Variants in CSE1L observed in about 807,000 individuals in gnomAD.
CSE1L encodes the protein exportin-2.
CSE1L carries 24 observed loss-of-function variants against 120.4 expected under a neutral mutation model. That is an observed-to-expected ratio of 0.20 (90% confidence interval 0.14 to 0.28). CSE1L has a LOEUF of 0.28. Among genes scored for constraint, CSE1L ranks in the 10% least tolerant of loss-of-function variants. The pLI, the probability that CSE1L is intolerant of heterozygous loss-of-function variation, is 1.00. For missense variants in CSE1L, 830 were observed against 1,145.2 expected, an observed-to-expected ratio of 0.72 and a Z score of 3.97; for synonymous variants, 402 against 398.3, an observed-to-expected ratio of 1.01 and a Z score of -0.11.
At chr20:49,061,792 C>A (rs531622856) in intron 2 of CSE1L, among the ~76,000 whole-genome samples, 10 of 151,972 alleles carry the variant, frequency 6.6e-5, no homozygotes, top group African/African-American at 1.7e-4. Flanking sequence ...TGTGAGCCAC[C>A]GCACCCGGCA....
chr20:49,063,352 T>A lies in CSE1L; in HGVS notation c.228+8T>A, dbSNP rs1403122178. 1.4e-6 allele frequency: 2 copies of A among 1,448,374 alleles called. No homozygotes were observed. Among genetic ancestry groups the A allele is most frequent in the African/African-American group, 2.9e-5 (2 of 68,890 alleles). 89.7% of individuals were successfully genotyped at this position (1,448,374 alleles called of 1,614,324 possible). ...AAAAGGAACTGGAGAATTGTAAGTA[T>A]TTTGTGAATACATAATTTAATACCC... On this transcript the variant is annotated splice_region_variant and intron_variant, in intron 3 of 24. Coordinates refer to ENST00000262982, the MANE Select transcript of CSE1L (RefSeq NM_001316.4).
intron 1 of CSE1L, among the ~76,000 whole-genome samples, chr20:49,048,327 A>G (rs1218038247): frequency 6.6e-6 from 1 of 152,066 alleles, no homozygotes; most frequent in African/African-American, 2.4e-5. Flanking sequence ...GCAGTGCTCT[A>G]GTTTTGGAAT....
At chr20:49,048,596 GAAGGCTC>G (rs571912459) in intron 1 of CSE1L, among the ~76,000 whole-genome samples, 84 of 152,290 alleles carry the variant, frequency 5.5e-4, no homozygotes, top group African/African-American at 2.0e-3. Context: ...AGAGGGAATA[GAAGGCTC>G]AAGGCTCAAG....
In CSE1L at chr20:49,066,501, T is replaced by C; in HGVS notation, c.467T>C (p.Leu156Ser). ...GGAGTCCTCCGTACAGCACATTCATTATTTAAAAGGTATTGATGCATAGAT... is the reference window on the plus strand; with the variant it reads ...GGAGTCCTCCGTACAGCACATTCATCATTTAAAAGGTATTGATGCATAGAT... ...INGVLRTAHS[L>S]FKRYRHEFKS... is the part of the protein sequence containing the mutation. The change falls in exon 5 of 25, where the codon TTA becomes TCA. Residue 156 changes from leucine to serine, a missense_variant. Around this residue, in one of 4 missense-constraint regions of CSE1L, gnomAD observed 543 missense variants for 640.2 expected, o/e 0.85. Transcript: ENST00000262982. The C allele has an allele frequency of 6.2e-7, 1 of 1,610,632 alleles. No individual in the cohort carries two copies. The highest frequency in any genetic ancestry group is 8.5e-7 in the Non-Finnish European group (1 of 1,178,632).
chr20:49,074,503 C>T (rs1472420113), intron 10 of CSE1L, among the ~76,000 whole-genome samples: 3 of 152,022 alleles, frequency 2.0e-5, no homozygotes, highest in Middle Eastern at 3.4e-3. Flanking sequence ...GATACTGATC[C>T]CTAACATTTT....
intron 6 of CSE1L, among the ~76,000 whole-genome samples, 188 bp from the exon 7 acceptor site, chr20:49,068,527 A>C (rs1215071735): frequency 6.6e-6 from 1 of 152,196 alleles, no homozygotes; most frequent in African/African-American, 2.4e-5. Context: ...TGAACCCAGG[A>C]GGTGGAGCTT....
intron 14 of CSE1L, among the ~76,000 whole-genome samples, chr20:49,079,732 C>A (rs971158373): frequency 2.6e-5 from 4 of 152,076 alleles, no homozygotes; most frequent in Non-Finnish European, 4.4e-5. Context: ...AGCCAGCCTT[C>A]CACATACAGA....
rs541638373 is a variant in CSE1L at position 49,085,327 on chromosome 20, C to G, written c.1664C>G (p.Thr555Arg). Reference sequence around the variant, plus strand: ...GCACCGTTTGTTGAGATTCTGCTAACAAACCTTTTCAAAGCTCTCACACTT... The same window carrying G: ...GCACCGTTTGTTGAGATTCTGCTAAGAAACCTTTTCAAAGCTCTCACACTT... ...EIAPFVEILL[T>R]NLFKALTLPG... The change falls in exon 16 of 25, where the codon ACA (threonine) becomes AGA (arginine). Residue 555 changes from threonine to arginine, a missense_variant. Physicochemically the swap from Thr to Arg is moderately conservative, Grantham distance 71. Coordinates refer to ENST00000262982, the MANE Select transcript of CSE1L (RefSeq NM_001316.4). The G allele has an allele frequency of 6.2e-7, 1 of 1,613,942 alleles. No individual in the cohort carries two copies. Among genetic ancestry groups the G allele is most frequent in the Admixed American group, 1.7e-5 (1 of 59,956 alleles).
At chr20:49,091,880 A>AAAG (rs1023180551) in intron 21 of CSE1L, among the ~76,000 whole-genome samples, 166 bp from the exon 22 acceptor site, 14 of 152,244 alleles carry the variant, frequency 9.2e-5, no homozygotes, top group Admixed American at 3.3e-4. Context: ...GACAGCATGT[A>AAAG]AAGGTCTATG....
At chr20:49,077,391 C>T (rs2091977673) in intron 13 of CSE1L, among the ~76,000 whole-genome samples, 1 of 152,034 alleles carries the variant, frequency 6.6e-6, no homozygotes, top group Admixed American at 6.5e-5. Flanking sequence ...AACTCCTGAC[C>T]TCAGGTGATC....
chr20:49,058,771 G>C lies in CSE1L; in HGVS notation c.85+223G>C, dbSNP rs148515114. 2.0e-3 allele frequency among the ~76,000 whole-genome samples: 305 copies of C among 152,096 alleles called. 1 individual carries two copies. Among genetic ancestry groups the C allele is most frequent in the African/African-American group, 7.0e-3 (290 of 41,486 alleles). ...CTGGGATTAAAAAGTACTAGTTTTC[G>C]GATAAAAAGTACTGACATGTTTAGA... On this transcript the variant is annotated intron_variant, in intron 2 of 24. Transcript: ENST00000262982.
chr20:49,058,383 C>G, intron 1 of CSE1L, 70 bp from the exon 2 acceptor site: 2 of 1,138,546 alleles, frequency 1.8e-6, no homozygotes. Context: ...ATAATATAAA[C>G]GGATTTCTTT....
chr20:49,080,369 A>G (rs2092002420), intron 14 of CSE1L, among the ~76,000 whole-genome samples: 2 of 150,462 alleles, frequency 1.3e-5, no homozygotes. Context: ...GTCAGGCACC[A>G]TGCCTGGCCC....
intron 7 of CSE1L, among the ~76,000 whole-genome samples, chr20:49,069,085 G>GTA (rs750534686): frequency 2.0e-5 from 3 of 152,052 alleles, no homozygotes; most frequent in Non-Finnish European, 4.4e-5. Flanking sequence ...GAGTCACCCT[G>GTA]TACACTGTTT....
At chr20:49,055,522 G>A (rs1163822009) in intron 1 of CSE1L, among the ~76,000 whole-genome samples, 2 of 152,094 alleles carry the variant, frequency 1.3e-5, no homozygotes, top group Non-Finnish European at 2.9e-5. Flanking sequence ...TTCAAGACCA[G>A]CCTGCGCAAT....
intron 13 of CSE1L, among the ~76,000 whole-genome samples, 199 bp downstream of exon 13, chr20:49,077,263 G>A (rs569774229): frequency 4.7e-5 from 7 of 150,192 alleles, no homozygotes; most frequent in African/African-American, 1.5e-4. Context: ...GGGTTCAAGC[G>A]ATTCTCCTGC....
intron 7 of CSE1L, 32 bp downstream of exon 7, chr20:49,068,854 T>C (rs763532066): frequency 1.4e-6 from 2 of 1,390,748 alleles, no homozygotes; most frequent in Admixed American, 1.7e-5. Flanking sequence ...CTTTTGGTTC[T>C]TACTCTTTGA....
At chr20:49,086,779 A>G (rs1414548821) in intron 16 of CSE1L, among the ~76,000 whole-genome samples, 2 of 152,202 alleles carry the variant, frequency 1.3e-5, no homozygotes, top group Non-Finnish European at 2.9e-5. Flanking sequence ...TGTATGAGTG[A>G]ATGAAATAAT....
At chr20:49,063,980 A>AT (rs962872937) in intron 3 of CSE1L, among the ~76,000 whole-genome samples, 3 of 152,058 alleles carry the variant, frequency 2.0e-5, no homozygotes, top group African/African-American at 4.8e-5. Flanking sequence ...AGAAACAGGC[A>AT]TTTTTTTTCC....
Sources: gnomAD v4.1 joint callset for allele counts (sites outside exome capture counted in the v4.1 genomes callset) on GRCh38, gnomAD v4.1.1 for gene constraint, gnomAD v4.1.1 regional missense constraint, MANE v1.5 for transcripts, NCBI Gene and HGNC (gene_info 2026-07-23, HGNC 2026-07-21) for gene names.